WDR72: variants seen among roughly 807,000 people sequenced by gnomAD.
The protein encoded by WDR72 is WD repeat-containing protein 72.
A neutral mutation model predicts 124.2 loss-of-function variants in WDR72; 120 were observed. The observed-to-expected ratio is 0.97, with a 90% CI of 0.83 to 1.12. The LOEUF (loss-of-function observed/expected upper bound fraction) is 1.12, where lower values mean the gene tolerates loss of function less well. Ranked by LOEUF, WDR72 falls within the 50% of genes most tolerant of loss-of-function variation. The pLI, the probability that WDR72 is intolerant of heterozygous loss-of-function variation, is 0.00. For synonymous variants in WDR72, 452 were observed against 441.7 expected (o/e 1.02, Z -0.29); for missense variants, 1,387 against 1,278.8 (o/e 1.08, Z -1.29).
intron 14 of WDR72, among the ~76,000 whole-genome samples, chr15:53,646,765 C>T (rs116810505): frequency 2.8e-4 from 43 of 151,676 alleles, no homozygotes; most frequent in African/African-American, 8.0e-4. Context: ...AACTGAAATA[C>T]TGAAATGATA....
chr15:53,615,827 G>C lies in WDR72; in HGVS notation c.2379C>G (p.Asp793Glu). 6.2e-7 allele frequency: 1 copy of C among 1,613,580 alleles called. No homozygotes were observed. Among genetic ancestry groups the C allele is most frequent in the Non-Finnish European group, 8.5e-7 (1 of 1,179,664 alleles). ...GGCAAGACAGAAACAATTTTGCTGTGTCTATTGTGAGACTGGCATCTACTT... is the reference window on the plus strand; with the variant it reads ...GGCAAGACAGAAACAATTTTGCTGTCTCTATTGTGAGACTGGCATCTACTT... ...SRKVDASLTI[D>E]TAKLFLSCLL... Residue 793 changes from aspartate (D) to glutamate (E), a missense_variant, in exon 15 of 20, where the codon GAC becomes GAG. Physicochemically the swap from Asp to Glu is conservative, Grantham distance 45. Coordinates refer to ENST00000360509, the MANE Select transcript of WDR72 (RefSeq NM_182758.4).
chr15:53,626,031 T>A (rs879758343), intron 14 of WDR72, among the ~76,000 whole-genome samples: 1 of 152,176 alleles, frequency 6.6e-6, no homozygotes, highest in Non-Finnish European at 1.5e-5. Context: ...TCAAAACATT[T>A]TGGATCCCCC....
rs549473685 is a variant in WDR72 at position 53,723,994 on chromosome 15, A to ATG, written c.154-1087_154-1086insCA. On this transcript the variant is annotated intron_variant, in intron 2 of 19. Transcript: ENST00000360509. ...AGCCAAATAAATAAAAAAGAAATAA[A>ATG]TCCTGCCATTTGTGACAACATGGAT... 8.5e-5 allele frequency among the ~76,000 whole-genome samples: 13 copies of ATG among 152,306 alleles called. No individual in the cohort carries two copies. The East Asian group carries it at 2.5e-3, about 29-fold the overall frequency.
chr15:53,617,397 A>G (rs2013811087), intron 14 of WDR72, among the ~76,000 whole-genome samples: 1 of 151,564 alleles, frequency 6.6e-6, no homozygotes, highest in South Asian at 2.1e-4. Flanking sequence ...TGATCTTTAT[A>G]CTATGGTGTG....
intron 12 of WDR72, 41 bp from the exon 13 acceptor site, chr15:53,699,986 TG>T: frequency 6.2e-7 from 1 of 1,612,412 alleles, no homozygotes; most frequent in Non-Finnish European, 8.5e-7. Context: ...AATAGTCAAA[TG>T]CTTTCTTTAT....
chr15:53,700,769 GA>G lies in WDR72; in HGVS notation c.1570-825del, dbSNP rs556896214. 2.9e-4 allele frequency among the ~76,000 whole-genome samples: 43 copies of G among 149,298 alleles called. No individual in the cohort carries two copies. In the East Asian group the frequency reaches 5.3e-3, roughly 18 times the overall value. On this transcript the variant is annotated intron_variant, in intron 12 of 19. Transcript: ENST00000360509. The stretch of plus-strand genomic sequence containing the variant: ...TTAAGTGCACTCCAGAAATCGTAAG[GA>G]AAAAAAAAATCACAAAATGGCAGGT...
intron 18 of WDR72, among the ~76,000 whole-genome samples, chr15:53,539,830 C>A (rs182961171): frequency 1.3e-5 from 2 of 151,918 alleles, no homozygotes; most frequent in African/African-American, 2.4e-5. Context: ...CTTAATTCAC[C>A]TATTAGAATA....
In WDR72 at chr15:53,523,259, T is replaced by TC. The variant is rs775286247; in HGVS notation, c.3211dup (p.Asp1071GlyfsTer4). On this transcript the variant is annotated frameshift_variant, in exon 19 of 20. Transcript: ENST00000360509. LOFTEE classifies it high-confidence loss of function. The stretch of plus-strand genomic sequence containing the variant: ...TTCCAAGGCACATCTGTCAGGCATG[T>TC]CCTCCACGTCTTGGAAGTTTGCCGA... 6.2e-7 allele frequency: 1 copy of TC among 1,613,234 alleles called. No homozygotes were observed. Among genetic ancestry groups the TC allele is most frequent in the Admixed American group, 1.7e-5 (1 of 59,946 alleles).
chr15:53,573,777 C>A (rs1894650821), intron 18 of WDR72, among the ~76,000 whole-genome samples: 1 of 152,218 alleles, frequency 6.6e-6, no homozygotes, highest in African/African-American at 2.4e-5. Context: ...AACTTCTGAC[C>A]TCAGGTGATC....
chr15:53,525,426 T>C (rs1028487434), intron 18 of WDR72, among the ~76,000 whole-genome samples: 6 of 152,102 alleles, frequency 3.9e-5, no homozygotes, highest in Non-Finnish European at 8.8e-5. Context: ...CAACACACTA[T>C]TCTTTCATAA....
intron 1 of WDR72, among the ~76,000 whole-genome samples, chr15:53,739,731 C>T (rs2018456943): frequency 6.6e-6 from 1 of 152,010 alleles, no homozygotes; most frequent in Non-Finnish European, 1.5e-5. Context: ...ACGAAAATCA[C>T]CATACAAAAA....
chr15:53,569,820 T>C (rs1268441585), intron 18 of WDR72, among the ~76,000 whole-genome samples: 1 of 152,112 alleles, frequency 6.6e-6, no homozygotes, highest in Non-Finnish European at 1.5e-5. Context: ...CATATGTCAT[T>C]ACTTTTATTT....
intron 18 of WDR72, among the ~76,000 whole-genome samples, chr15:53,533,050 C>G (rs1257683217): frequency 6.6e-6 from 1 of 152,054 alleles, no homozygotes; most frequent in Admixed American, 6.6e-5. Context: ...TAACAGAAGG[C>G]TGGTGCTTTC....
At position 53,519,523 on chromosome 15, in the gene WDR72, C is replaced by T. The variant is rs182641169; in HGVS notation, c.3254-1769G>A. On this transcript the variant is annotated intron_variant, in intron 19 of 19. Coordinates refer to ENST00000360509, the MANE Select transcript of WDR72 (RefSeq NM_182758.4). ...CAAGTAGACTTCACAGAGTCTAAGC[C>T]GGAAACTTCAATCTGGGATTCACCT... is the stretch of plus-strand genomic sequence containing the variant. Among the ~76,000 whole-genome samples the T allele has an allele frequency of 2.7e-4, 41 of 152,124 alleles. 1 individual carries two copies. Among genetic ancestry groups the T allele is most frequent in the African/African-American group, 8.9e-4 (37 of 41,542 alleles).
intron 18 of WDR72, among the ~76,000 whole-genome samples, chr15:53,541,644 A>C (rs1355357764): frequency 1.3e-5 from 2 of 151,882 alleles, no homozygotes; most frequent in African/African-American, 4.8e-5. Flanking sequence ...CTGGATGGAG[A>C]ATGACTTTGA....
chr15:53,540,585 AC>A (rs971762304), intron 18 of WDR72, among the ~76,000 whole-genome samples: 14 of 151,626 alleles, frequency 9.2e-5, no homozygotes, highest in South Asian at 6.3e-4. Context: ...AAAAAAAAAA[AC>A]AAGAGGAAAG....
intron 14 of WDR72, among the ~76,000 whole-genome samples, chr15:53,653,990 C>G (rs979189027): frequency 6.6e-6 from 1 of 152,020 alleles, no homozygotes; most frequent in Non-Finnish European, 1.5e-5. Context: ...TAAATATACC[C>G]AGTCTGGAAA....
chr15:53,626,423 C>A (rs941450362), intron 14 of WDR72, among the ~76,000 whole-genome samples: 2 of 152,148 alleles, frequency 1.3e-5, no homozygotes, highest in Non-Finnish European at 2.9e-5. Flanking sequence ...GGACACCCTG[C>A]CGGATCCAAG....
At chr15:53,548,979 A>G (rs756729927) in intron 18 of WDR72, among the ~76,000 whole-genome samples, 4 of 152,218 alleles carry the variant, frequency 2.6e-5, no homozygotes, top group Non-Finnish European at 5.9e-5. Flanking sequence ...TTACAGAAGA[A>G]AGAGAACCAA....
Sources: gnomAD v4.1 joint callset for allele counts (sites outside exome capture counted in the v4.1 genomes callset) on GRCh38, gnomAD v4.1.1 for gene constraint, MANE v1.5 for transcripts, NCBI Gene and HGNC (gene_info 2026-07-23, HGNC 2026-07-21) for gene names.